Variants in ZNF704 observed in about 807,000 individuals in gnomAD.
The protein encoded by ZNF704 is zinc finger protein 704.
In ZNF704, 10 loss-of-function variants were observed where a neutral mutation model predicts 44.7. That is an observed-to-expected ratio of 0.22 (90% CI 0.14 to 0.38). The LOEUF (loss-of-function observed/expected upper bound fraction) is 0.38. Ranked by LOEUF, ZNF704 falls within the 10% of genes least tolerant of loss-of-function variation. The pLI is 1.00. For synonymous variants in ZNF704, 211 were observed against 207.6 expected, an observed-to-expected ratio of 1.02 and a Z score of -0.14; for missense variants, 390 against 545.5, an observed-to-expected ratio of 0.71 and a Z score of 2.84.
chr8:80,795,422 T>C (rs1337098644), intron 2 of ZNF704, among the ~76,000 whole-genome samples: 1 of 151,982 alleles, frequency 6.6e-6, no homozygotes, highest in African/African-American at 2.4e-5. Context: ...ATAAAATGAG[T>C]GGGTGGTTGG....
intron 2 of ZNF704, 129 bp downstream of exon 2, chr8:80,821,244 GA>G: frequency 2.0e-6 from 2 of 978,504 alleles, no homozygotes; most frequent in Admixed American, 2.4e-5. Context: ...ACAAGCAATA[GA>G]AAAAATTTCT....
At chr8:80,733,344 T>C (rs1173839151) in intron 2 of ZNF704, among the ~76,000 whole-genome samples, 3 of 152,242 alleles carry the variant, frequency 2.0e-5, no homozygotes, top group African/African-American at 4.8e-5. Flanking sequence ...CTGGTTATTA[T>C]TACCTGAGTA....
chr8:80,827,278 A>G (rs1214830825), intron 1 of ZNF704, among the ~76,000 whole-genome samples: 1 of 152,226 alleles, frequency 6.6e-6, no homozygotes, highest in Admixed American at 6.5e-5. Flanking sequence ...CTATACACCA[A>G]TAACAGACAA....
chr8:80,844,860 T>G (rs1006622449), intron 1 of ZNF704, among the ~76,000 whole-genome samples: 3 of 149,898 alleles, frequency 2.0e-5, no homozygotes, highest in Non-Finnish European at 4.5e-5. Flanking sequence ...TTTATTTATT[T>G]ATTGAGACAG....
intron 1 of ZNF704, among the ~76,000 whole-genome samples, chr8:80,833,225 G>C (rs1275035183): frequency 1.3e-5 from 2 of 152,016 alleles, no homozygotes; most frequent in African/African-American, 4.8e-5. Context: ...TGGTGTGCAC[G>C]TGTAGTCCCA....
intron 1 of ZNF704, among the ~76,000 whole-genome samples, chr8:80,866,437 C>T (rs1809156272): frequency 6.6e-6 from 1 of 152,184 alleles, no homozygotes; most frequent in Non-Finnish European, 1.5e-5. Context: ...AAACATGGAC[C>T]TCACACCCAA....
intron 1 of ZNF704, among the ~76,000 whole-genome samples, chr8:80,840,459 A>G (rs1440056628): frequency 6.6e-6 from 1 of 152,256 alleles, no homozygotes; most frequent in Admixed American, 6.5e-5. Flanking sequence ...AAGTATACAG[A>G]GGACAAAATG....
At chr8:80,856,841 T>C (rs1487378589) in intron 1 of ZNF704, among the ~76,000 whole-genome samples, 1 of 152,218 alleles carries the variant, frequency 6.6e-6, no homozygotes, top group African/African-American at 2.4e-5. Context: ...TGTAGTTATT[T>C]TGCATTTCCA....
At chr8:80,780,941 AG>A (rs1260136004) in intron 2 of ZNF704, among the ~76,000 whole-genome samples, 3 of 152,194 alleles carry the variant, frequency 2.0e-5, no homozygotes, top group Non-Finnish European at 2.9e-5. Flanking sequence ...AAAATAGAAA[AG>A]TTTGGAAGAG....
At chr8:80,813,968 T>C (rs1254967277) in intron 2 of ZNF704, 1 of 152,244 alleles carries the variant, frequency 6.6e-6, no homozygotes, top group Non-Finnish European at 1.5e-5. Flanking sequence ...AGTTCTCATC[T>C]TACCTTACTA....
intron 1 of ZNF704, among the ~76,000 whole-genome samples, chr8:80,851,689 C>G (rs1297858291): frequency 6.6e-6 from 1 of 151,744 alleles, no homozygotes; most frequent in Non-Finnish European, 1.5e-5. Context: ...CAAACCTGCA[C>G]GTTGTGCACA....
chr8:80,796,349 T>C (rs1006571616), intron 2 of ZNF704, among the ~76,000 whole-genome samples: 7 of 152,176 alleles, frequency 4.6e-5, no homozygotes, highest in Non-Finnish European at 1.0e-4. Context: ...TGATAACTCA[T>C]TAACCCATTA....
Position 80,629,760 on chromosome 8 carries a change from A to AT in ZNF704, c.*11605dup, listed in dbSNP as rs900982937. On this transcript the variant is annotated 3_prime_UTR_variant, in exon 9 of 9. Coordinates refer to ENST00000327835, the MANE Select transcript of ZNF704 (RefSeq NM_001033723.3). Reference sequence around the variant, plus strand: ...CTATAACTGATACCCCTTGAAGAATATTTTTTTCTGGGATTGAGAATTAAA... The same window carrying AT: ...CTATAACTGATACCCCTTGAAGAATATTTTTTTTCTGGGATTGAGAATTAAA... The AT allele has an allele frequency of 6.6e-6, 1 of 152,288 alleles. No individual in the cohort carries two copies. The highest frequency in any genetic ancestry group is 2.1e-4 in the South Asian group (1 of 4,824). 9.4% of individuals were successfully genotyped at this position (152,288 alleles called of 1,614,324 possible).
intron 7 of ZNF704, among the ~76,000 whole-genome samples, chr8:80,652,583 T>A (rs1169047494): frequency 6.6e-6 from 1 of 152,000 alleles, no homozygotes; most frequent in Non-Finnish European, 1.5e-5. Flanking sequence ...ATGGATAAAT[T>A]CCTCGACACA....
At chr8:80,848,624 C>A (rs970385422) in intron 1 of ZNF704, among the ~76,000 whole-genome samples, 3 of 151,878 alleles carry the variant, frequency 2.0e-5, no homozygotes, top group African/African-American at 7.3e-5. Context: ...GTGGGTGGAT[C>A]CCTTCAGCCC....
intron 7 of ZNF704, among the ~76,000 whole-genome samples, chr8:80,647,277 G>T (rs544815257): frequency 7.0e-6 from 1 of 143,486 alleles, no homozygotes; most frequent in South Asian, 2.1e-4. Flanking sequence ...ATCTTGAGTG[G>T]TAAGAGAAGG....
chr8:80,672,114 AACAG>A (rs1361848574), intron 4 of ZNF704, among the ~76,000 whole-genome samples: 1 of 152,216 alleles, frequency 6.6e-6, no homozygotes, highest in Non-Finnish European at 1.5e-5. Flanking sequence ...AAAGGACATG[AACAG>A]ACATTTCTCA....
intron 3 of ZNF704, among the ~76,000 whole-genome samples, chr8:80,691,668 T>C (rs1339986690): frequency 6.6e-6 from 1 of 152,224 alleles, no homozygotes; most frequent in East Asian, 1.9e-4. Flanking sequence ...CTTCCAAATG[T>C]TGCCTTCTAA....
Position 80,638,299 on chromosome 8 carries a change from A to AT in ZNF704, c.*3066dup, listed in dbSNP as rs1285370532. The AT allele has an allele frequency of 6.6e-6, 1 of 152,188 alleles. No individual in the cohort carries two copies. The allele number at this position is 152,188 out of a possible 1,614,324, so 9.4% of individuals were successfully genotyped here. The stretch of plus-strand genomic sequence containing the variant: ...TTTCTGAAGGCTGGGGTGTCAAAGG[A>AT]TAAAAAAAAAATCAAAAGGCTACAT... On this transcript the variant is annotated 3_prime_UTR_variant, in exon 9 of 9. Coordinates refer to ENST00000327835, the MANE Select transcript of ZNF704 (RefSeq NM_001033723.3).
Sources: gnomAD v4.1 joint callset for allele counts (sites outside exome capture counted in the v4.1 genomes callset) on GRCh38, gnomAD v4.1.1 for gene constraint, MANE v1.5 for transcripts, NCBI Gene and HGNC (gene_info 2026-07-23, HGNC 2026-07-21) for gene names.